Variants in PRKD1 observed in about 807,000 individuals in gnomAD.
The protein encoded by PRKD1 is serine/threonine-protein kinase D1.
In PRKD1, 63 loss-of-function variants were observed where a neutral mutation model predicts 95.9. That is an observed-to-expected ratio of 0.66 (90% CI 0.54 to 0.81). The LOEUF (loss-of-function observed/expected upper bound fraction) is 0.81. Among genes scored for constraint, PRKD1 ranks in the 30% least tolerant of loss-of-function variants. The pLI, the probability that PRKD1 is intolerant of heterozygous loss-of-function variation, is 0.00. For missense variants in PRKD1, 1,048 were observed against 1,165.3 expected, an observed-to-expected ratio of 0.90 and a Z score of 1.47; for synonymous variants, 425 against 423.1, an observed-to-expected ratio of 1.00 and a Z score of -0.05.
intron 4 of PRKD1, among the ~76,000 whole-genome samples, chr14:29,651,180 T>C (rs1379136062): frequency 1.3e-5 from 2 of 152,194 alleles, no homozygotes; most frequent in African/African-American, 4.8e-5. Flanking sequence ...AGACAAAAGA[T>C]AAGAGACTTT....
intron 1 of PRKD1, among the ~76,000 whole-genome samples, chr14:29,766,939 T>A (rs1320931287): frequency 2.0e-5 from 3 of 152,210 alleles, no homozygotes; most frequent in African/African-American, 7.2e-5. Context: ...GGACAAATTC[T>A]ACTGAAGGTT....
At chr14:29,617,242 G>A (rs765396446) in intron 13 of PRKD1, among the ~76,000 whole-genome samples, 22 of 152,100 alleles carry the variant, frequency 1.4e-4, no homozygotes, top group Non-Finnish European at 3.1e-4. Flanking sequence ...CCTATTGTGA[G>A]TTGTGAGTTA....
At chr14:29,652,477 A>G (rs1011375360) in intron 4 of PRKD1, among the ~76,000 whole-genome samples, 3 of 152,292 alleles carry the variant, frequency 2.0e-5, no homozygotes, top group African/African-American at 7.2e-5. Context: ...AAATCAGATA[A>G]CAGTAACTCA....
chr14:29,617,910 TAA>T (rs35354539), intron 13 of PRKD1, among the ~76,000 whole-genome samples: 4 of 149,760 alleles, frequency 2.7e-5, no homozygotes, highest in African/African-American at 7.4e-5. Flanking sequence ...CTACCAAAAA[TAA>T]AAAAAAAAGT....
At chr14:29,679,156 A>T (rs1311031712) in intron 2 of PRKD1, among the ~76,000 whole-genome samples, 1 of 152,250 alleles carries the variant, frequency 6.6e-6, no homozygotes, top group African/African-American at 2.4e-5. Context: ...ATGGAAATTT[A>T]AGATGGAAGA....
At chr14:29,645,395 T>C (rs1032598106) in intron 4 of PRKD1, among the ~76,000 whole-genome samples, 1 of 152,184 alleles carries the variant, frequency 6.6e-6, no homozygotes, top group Admixed American at 6.5e-5. Flanking sequence ...CATCACTCAG[T>C]TGGCTGCCTA....
At chr14:29,683,932 A>G (rs190050782) in intron 2 of PRKD1, among the ~76,000 whole-genome samples, 257 of 152,348 alleles carry the variant, frequency 1.7e-3, no homozygotes, top group Admixed American at 4.2e-3. Flanking sequence ...ACAGAGCAGA[A>G]ATGAGCCTAG....
chr14:29,675,990 GT>G (rs1272980545), intron 2 of PRKD1, among the ~76,000 whole-genome samples: 14 of 104,180 alleles, frequency 1.3e-4, no homozygotes, highest in African/African-American at 3.6e-4. Flanking sequence ...GGGGTGGGGG[GT>G]GGGGGGAGGG....
intron 1 of PRKD1, among the ~76,000 whole-genome samples, chr14:29,820,476 G>A (rs1594548296): frequency 6.6e-6 from 1 of 152,202 alleles, no homozygotes; most frequent in East Asian, 1.9e-4. Flanking sequence ...CTCCGTGTCA[G>A]AGAAAAGAAA....
chr14:29,656,444 A>C, intron 4 of PRKD1: 16 of 1,520,946 alleles, frequency 1.1e-5, no homozygotes, highest in Non-Finnish European at 1.4e-5. Context: ...CAGTGAAGCA[A>C]ATTTCTAGCA....
intron 9 of PRKD1, 29 bp from the exon 10 acceptor site, chr14:29,631,050 G>A (rs200951872): frequency 2.6e-6 from 4 of 1,559,608 alleles, no homozygotes; most frequent in African/African-American, 2.7e-5. Flanking sequence ...ACTAAATGTT[G>A]TTTATCAAAA....
At chr14:29,815,851 A>G (rs1343218170) in intron 1 of PRKD1, among the ~76,000 whole-genome samples, 1 of 152,138 alleles carries the variant, frequency 6.6e-6, no homozygotes, top group Non-Finnish European at 1.5e-5. Context: ...AATAATACTC[A>G]TTTCTTTATT....
At position 29,624,278 on chromosome 14, in the gene PRKD1, A is replaced by AG. The variant is rs781277468; in HGVS notation, c.1799-21dup. 12 of 1,539,334 alleles carry AG rather than the reference A, an allele frequency of 7.8e-6. No individual in the cohort carries two copies. In the South Asian group the frequency reaches 1.4e-4, roughly 18 times the overall value. On this transcript the variant is annotated intron_variant, in intron 12 of 17. Transcript: ENST00000331968. ...GTTTTCCTTTAAAATGAAAAAGGGA[A>AG]GCATTAGTAAGTTATTAAATATCAT...
At chr14:29,705,955 T>G (rs1885066153) in intron 2 of PRKD1, among the ~76,000 whole-genome samples, 2 of 152,174 alleles carry the variant, frequency 1.3e-5, no homozygotes, top group Admixed American at 6.5e-5. Flanking sequence ...TATGAACATA[T>G]GTTTTCAATT....
chr14:29,742,762 T>C (rs1887038981), intron 1 of PRKD1, among the ~76,000 whole-genome samples: 1 of 152,198 alleles, frequency 6.6e-6, no homozygotes, highest in African/African-American at 2.4e-5. Context: ...TCAATATATA[T>C]CTATGCTAAT....
chr14:29,882,942 G>T (rs1893566480), intron 1 of PRKD1, among the ~76,000 whole-genome samples: 1 of 152,058 alleles, frequency 6.6e-6, no homozygotes. Context: ...TCGACCCTTT[G>T]GCTACTGTAT....
At chr14:29,778,364 G>C (rs949888838) in intron 1 of PRKD1, among the ~76,000 whole-genome samples, 1 of 151,816 alleles carries the variant, frequency 6.6e-6, no homozygotes, top group African/African-American at 2.4e-5. Context: ...TTTTTGAAAA[G>C]ATCAAAAAAA....
At chr14:29,599,473 A>T (rs1216506862) in intron 14 of PRKD1, among the ~76,000 whole-genome samples, 183 bp downstream of exon 14, 1 of 152,226 alleles carries the variant, frequency 6.6e-6, no homozygotes, top group Non-Finnish European at 1.5e-5. Flanking sequence ...CTAATTTGGT[A>T]CACTGTGGAC....
At chr14:29,899,261 A>G (rs77716488) in intron 1 of PRKD1, among the ~76,000 whole-genome samples, 9,890 of 152,276 alleles carry the variant, frequency 0.065, 395 homozygotes, top group South Asian at 0.11. Context: ...GATTTATTGT[A>G]TAAATTAATT....
Sources: allele counts gnomAD v4.1 joint callset (sites outside exome capture counted in the v4.1 genomes callset), GRCh38; gene constraint gnomAD v4.1.1; transcripts MANE v1.5; gene names NCBI Gene and HGNC (gene_info 2026-07-23, HGNC 2026-07-21).